LMBR1: variants seen among roughly 807,000 people sequenced by gnomAD.
LMBR1 encodes the protein limb development membrane protein 1, also known as limb region 1 protein homolog.
In LMBR1, 52 loss-of-function variants were observed where a neutral mutation model predicts 73.9. The ratio of observed to expected loss-of-function variants is 0.70; its 90% CI spans 0.56 to 0.89. LMBR1 has a LOEUF of 0.89. Ranked by LOEUF, LMBR1 falls within the 40% of genes least tolerant of loss-of-function variation. LMBR1 has a pLI of 0.00. For missense variants in LMBR1, 539 were observed against 579.8 expected (o/e 0.93, Z 0.72); for synonymous variants, 215 against 209.4 (o/e 1.03, Z -0.23).
At chr7:156,737,497 C>T (rs1047586147) in intron 9 of LMBR1, among the ~76,000 whole-genome samples, 2 of 152,094 alleles carry the variant, frequency 1.3e-5, no homozygotes, top group African/African-American at 4.8e-5. Context: ...TTCATTTTGT[C>T]ATTTCCTCCA....
At chr7:156,702,580 T>C (rs1412895060) in intron 15 of LMBR1, among the ~76,000 whole-genome samples, 1 of 152,216 alleles carries the variant, frequency 6.6e-6, no homozygotes, top group African/African-American at 2.4e-5. Flanking sequence ...TTCACTCTCA[T>C]GATAGTTTCT....
At chr7:156,805,888 G>A (rs889556533) in intron 4 of LMBR1, among the ~76,000 whole-genome samples, 5 of 152,142 alleles carry the variant, frequency 3.3e-5, no homozygotes, top group South Asian at 2.1e-4. Context: ...CCCTATAGGA[G>A]GAGACAGAAG....
chr7:156,733,944 T>C, intron 10 of LMBR1: 1 of 327,954 alleles, frequency 3.0e-6, no homozygotes, highest in Non-Finnish European at 5.7e-6. Context: ...GCAACATCTT[T>C]GAACCTGTGA....
intron 15 of LMBR1, among the ~76,000 whole-genome samples, chr7:156,713,098 G>A (rs1335557337): frequency 6.6e-6 from 1 of 152,090 alleles, no homozygotes; most frequent in Non-Finnish European, 1.5e-5. Flanking sequence ...GAAAAGATAT[G>A]GAGGAACCCT....
chr7:156,741,691 T>A (rs776527591), intron 9 of LMBR1, among the ~76,000 whole-genome samples: 3 of 152,104 alleles, frequency 2.0e-5, no homozygotes, highest in Non-Finnish European at 2.9e-5. Flanking sequence ...CTCAATACAA[T>A]AACAGCTAGA....
intron 4 of LMBR1, among the ~76,000 whole-genome samples, chr7:156,807,051 C>T (rs1381893326): frequency 2.0e-5 from 3 of 151,480 alleles, no homozygotes; most frequent in African/African-American, 4.9e-5. Context: ...TTTTCTAGCA[C>T]GTTAATAAAA....
intron 4 of LMBR1, among the ~76,000 whole-genome samples, chr7:156,804,656 G>C (rs1831668365): frequency 6.6e-6 from 1 of 151,848 alleles, no homozygotes; most frequent in Non-Finnish European, 1.5e-5. Flanking sequence ...GTCTTTTTTA[G>C]CTAAGTATCT....
chr7:156,854,866 C>A (rs1040173682), intron 1 of LMBR1, among the ~76,000 whole-genome samples: 2 of 152,146 alleles, frequency 1.3e-5, no homozygotes, highest in Non-Finnish European at 2.9e-5. Flanking sequence ...CCAAAGACAA[C>A]AGAAGAGATA....
At chr7:156,806,371 T>A (rs1297843701) in intron 4 of LMBR1, among the ~76,000 whole-genome samples, 1 of 152,204 alleles carries the variant, frequency 6.6e-6, no homozygotes, top group African/African-American at 2.4e-5. Context: ...AATAGCTTTT[T>A]TATAACAGAT....
chr7:156,702,637 C>T (rs1355237240), intron 15 of LMBR1, among the ~76,000 whole-genome samples: 1 of 152,096 alleles, frequency 6.6e-6, no homozygotes, highest in Non-Finnish European at 1.5e-5. Context: ...GTTAAATTTT[C>T]TTTTTTCATT....
intron 1 of LMBR1, among the ~76,000 whole-genome samples, chr7:156,891,208 AAAAATATATATAT>A (rs1802866043): frequency 1.1e-5 from 1 of 88,248 alleles, no homozygotes; most frequent in Non-Finnish European, 2.2e-5. Flanking sequence ...AAAAAAAAAA[AAAAATATATATAT>A]ATATATATAT....
At chr7:156,763,405 C>T (rs1160501673) in intron 6 of LMBR1, among the ~76,000 whole-genome samples, 1 of 148,984 alleles carries the variant, frequency 6.7e-6, no homozygotes, top group Non-Finnish European at 1.5e-5. Context: ...GAAAAAATGT[C>T]TCCACGGAAT....
intron 3 of LMBR1, among the ~76,000 whole-genome samples, chr7:156,827,388 A>T (rs1165619281): frequency 6.6e-6 from 1 of 152,132 alleles, no homozygotes; most frequent in Admixed American, 6.5e-5. Context: ...TCAACAAAAT[A>T]ATGAAGAAAA....
At chr7:156,774,974 T>A (rs1053462011) in intron 5 of LMBR1, among the ~76,000 whole-genome samples, 1 of 152,114 alleles carries the variant, frequency 6.6e-6, no homozygotes, top group African/African-American at 2.4e-5. Context: ...TGAGTATACA[T>A]GGACGAAAAG....
rs1487140735 is a variant in LMBR1 at position 156,669,068 on chromosome 7, C to T, written n.1086G>A. 1 of 152,180 alleles carries T rather than the reference C, an allele frequency of 6.6e-6. No homozygotes were observed. The highest frequency in any genetic ancestry group is 6.5e-5 in the Admixed American group (1 of 15,286). 9.4% of individuals were successfully genotyped at this position (152,180 alleles called of 1,614,324 possible). On this transcript the variant is annotated non_coding_transcript_exon_variant, in exon 5 of 5. Coordinates refer to the LMBR1 transcript ENST00000430825. This position sits in a 1 kb window ranked among gnomAD's most constrained non-coding sequence, Gnocchi z 4.2. The stretch of plus-strand genomic sequence containing the variant: ...TGGATAGTAAAATATAAATTAGACT[C>T]AACTGCATGAAAAGTCTATGCGAAC...
At chr7:156,704,474 A>G (rs1810478944) in intron 15 of LMBR1, among the ~76,000 whole-genome samples, 1 of 152,202 alleles carries the variant, frequency 6.6e-6, no homozygotes, top group Non-Finnish European at 1.5e-5. Flanking sequence ...AAGTAAATTT[A>G]AAAATAAGCA....
At chr7:156,762,846 A>AGTGTGTGTGTGTGTGT (rs35976164) in intron 7 of LMBR1, among the ~76,000 whole-genome samples, 102 of 148,626 alleles carry the variant, frequency 6.9e-4, no homozygotes, top group African/African-American at 8.2e-4. Context: ...TGTGAGTGTG[A>AGTGTGTGTGTGTGTGT]GTGTGTGTGT....
chr7:156,833,901 G>A (rs1022517729), intron 2 of LMBR1, 109 bp from the exon 3 acceptor site: 1 of 707,460 alleles, frequency 1.4e-6, no homozygotes, highest in African/African-American at 1.8e-5. Context: ...TTATTGAACA[G>A]AAACAATTTT....
Position 156,701,309 on chromosome 7 carries a change from T to C in LMBR1, c.1226-13118A>G, listed in dbSNP as rs145944047. Among the ~76,000 whole-genome samples, 43 of 152,336 alleles carry C rather than the reference T, an allele frequency of 2.8e-4. No individual in the cohort carries two copies. The East Asian group carries it at 5.6e-3, about 20-fold the overall frequency. ...TGTAAACAACTCAAAGGTCTTCCAATGGGTGAACAGATAAACAAATTGTGA... is the reference window on the plus strand; with the variant it reads ...TGTAAACAACTCAAAGGTCTTCCAACGGGTGAACAGATAAACAAATTGTGA... On this transcript the variant is annotated intron_variant, in intron 15 of 16. Coordinates refer to ENST00000353442, the MANE Select transcript of LMBR1 (RefSeq NM_022458.4).
Sources: allele counts gnomAD v4.1 joint callset (sites outside exome capture counted in the v4.1 genomes callset), GRCh38; gene constraint gnomAD v4.1.1; non-coding constraint Gnocchi (gnomAD v3.1); transcripts MANE v1.5; gene names NCBI Gene and HGNC (gene_info 2026-07-23, HGNC 2026-07-21).